The following GNAT3 variants were observed in gnomAD, a reference collection of about 807,000 sequenced individuals.
GNAT3 encodes G protein subunit alpha transducin 3.
GNAT3 carries 31 observed loss-of-function variants against 37.7 expected under a neutral mutation model. The ratio of observed to expected loss-of-function variants is 0.82; its 90% CI spans 0.62 to 1.11. The LOEUF is 1.11. Ranked by LOEUF, GNAT3 falls within the 50% of genes most tolerant of loss-of-function variation. The probability of loss-of-function intolerance (pLI) is 0.00; values close to 1 mark genes in which losing one functional copy is unlikely to be tolerated. For synonymous variants in GNAT3, 138 were observed against 139.8 expected, an observed-to-expected ratio of 0.99 and a Z score of 0.09; for missense variants, 437 against 412.5, an observed-to-expected ratio of 1.06 and a Z score of -0.51.
intron 5 of GNAT3, among the ~76,000 whole-genome samples, chr7:80,470,262 C>T (rs756690971): frequency 1.3e-5 from 2 of 152,010 alleles, no homozygotes; most frequent in Non-Finnish European, 2.9e-5. Flanking sequence ...TGCTCTGTCA[C>T]CCAGGCTAGA....
chr7:80,471,894 A>T (rs1790227295), intron 5 of GNAT3, among the ~76,000 whole-genome samples: 2 of 152,048 alleles, frequency 1.3e-5, no homozygotes, highest in Non-Finnish European at 2.9e-5. Context: ...CACTCAGCTC[A>T]TGGTGTTACT....
chr7:80,461,905 T>G (rs1000609687), intron 7 of GNAT3, among the ~76,000 whole-genome samples: 1 of 152,188 alleles, frequency 6.6e-6, no homozygotes, highest in African/African-American at 2.4e-5. Flanking sequence ...TGTCATTTGA[T>G]AAAGTCTATA....
At chr7:80,503,072 T>A (rs562349989) in intron 1 of GNAT3, among the ~76,000 whole-genome samples, 1 of 152,248 alleles carries the variant, frequency 6.6e-6, no homozygotes, top group East Asian at 1.9e-4. Context: ...AAAAGCCAAG[T>A]ACTATCATTT....
At chr7:80,482,561 T>C (rs1268034832) in intron 3 of GNAT3, among the ~76,000 whole-genome samples, 2 of 151,988 alleles carry the variant, frequency 1.3e-5, no homozygotes, top group African/African-American at 4.8e-5. Flanking sequence ...TCATGCAGGC[T>C]GGAGTGCAGT....
At chr7:80,484,962 A>G (rs907987239) in intron 3 of GNAT3, among the ~76,000 whole-genome samples, 4 of 151,966 alleles carry the variant, frequency 2.6e-5, no homozygotes, top group Admixed American at 1.3e-4. Context: ...CTCTCTCACT[A>G]TATTCCCAAT....
chr7:80,511,842 G>T lies in GNAT3; in HGVS notation c.85C>A (p.Arg29=), dbSNP rs751707136. The change falls in exon 1 of 8, where the codon CGA becomes AGA. Residue 29 remains arginine, a synonymous_variant. Transcript: ENST00000398291. The stretch of plus-strand genomic sequence containing the variant: ...AGCAGCTTTACGGTTCTTGCATCTC[G>T]CTCAGCATCCTCCTGAAGCTTTTTC... ...LEKKLQEDAE[R]DARTVKLLLL... is the part of the protein sequence containing the mutation. The T allele has an allele frequency of 1.9e-6, 3 of 1,611,254 alleles. No individual in the cohort carries two copies. Among genetic ancestry groups the T allele is most frequent in the Non-Finnish European group, 2.5e-6 (3 of 1,178,312 alleles).
At chr7:80,506,656 CT>C (rs1303663927) in intron 1 of GNAT3, among the ~76,000 whole-genome samples, 1 of 152,264 alleles carries the variant, frequency 6.6e-6, no homozygotes, top group Admixed American at 6.5e-5. Flanking sequence ...TTCCACTTCA[CT>C]GAGAAGCAGT....
intron 3 of GNAT3, among the ~76,000 whole-genome samples, chr7:80,481,785 T>G (rs73369027): frequency 0.1 from 15,882 of 152,126 alleles, 1,439 homozygotes; most frequent in African/African-American, 0.24. Flanking sequence ...ATCTACATAA[T>G]AAGAACCTTG....
intron 5 of GNAT3, among the ~76,000 whole-genome samples, chr7:80,473,948 C>T (rs545365947): frequency 3.9e-5 from 6 of 152,082 alleles, no homozygotes; most frequent in Non-Finnish European, 5.9e-5. Context: ...TATTTAAATA[C>T]ATTTTCTTTT....
At chr7:80,472,877 T>C (rs17154004) in intron 5 of GNAT3, among the ~76,000 whole-genome samples, 11,236 of 152,206 alleles carry the variant, frequency 0.074, 1,261 homozygotes, top group African/African-American at 0.25. Flanking sequence ...TTAGGTAACC[T>C]GGAATTGGAA....
Position 80,479,002 on chromosome 7 carries a change from G to C in GNAT3, c.304-4C>G, listed in dbSNP as rs1790348443. The C allele has an allele frequency of 3.2e-6, 5 of 1,584,708 alleles. No individual in the cohort carries two copies. The highest frequency in any genetic ancestry group is 1.4e-5 in the African/African-American group (1 of 73,746). On this transcript the variant is annotated splice_polypyrimidine_tract_variant and splice_region_variant and intron_variant, in intron 3 of 7. Transcript: ENST00000398291. ...CATAAAGTTGTCGTTGGTCCTCCTA[G>C]AACAATATTTTGGTGAGAATAAGTA... is the stretch of plus-strand genomic sequence containing the variant.
chr7:80,484,490 T>A (rs1243479565), intron 3 of GNAT3, among the ~76,000 whole-genome samples: 1 of 152,082 alleles, frequency 6.6e-6, no homozygotes, highest in Non-Finnish European at 1.5e-5. Context: ...GAGTTTACTT[T>A]GTAGGGTTCT....
At position 80,491,413 on chromosome 7, in the gene GNAT3, A is replaced by G. The variant is rs73369046; in HGVS notation, c.162-2737T>C. Among the ~76,000 whole-genome samples the G allele has an allele frequency of 8.9e-3, 1,348 of 152,298 alleles. 21 individuals are homozygous for G. The highest frequency in any genetic ancestry group is 0.031 in the African/African-American group (1,288 of 41,568). On this transcript the variant is annotated intron_variant, in intron 2 of 7. Transcript: ENST00000398291. ...CAAAGTGTGTGAGTTTGAAAGAAATATTCTGAAACAGTCAGCTTGAAGATT... is the reference window on the plus strand; with the variant it reads ...CAAAGTGTGTGAGTTTGAAAGAAATGTTCTGAAACAGTCAGCTTGAAGATT...
chr7:80,484,276 G>A (rs2116182049), intron 3 of GNAT3, among the ~76,000 whole-genome samples: 1 of 152,144 alleles, frequency 6.6e-6, no homozygotes, highest in South Asian at 2.1e-4. Context: ...AAGAAAGGAA[G>A]ACTATATAGT....
At position 80,462,484 on chromosome 7, in the gene GNAT3, T is replaced by C. The variant is rs773681971; in HGVS notation, c.720+18A>G. ...AAGATTACTTTTAACCCTGGCTTTG[T>C]TTTTCCTTTAGACTTACCACTTCTT... On this transcript the variant is annotated intron_variant, in intron 6 of 7. Transcript: ENST00000398291. 3.3e-5 allele frequency: 53 copies of C among 1,608,912 alleles called. No individual in the cohort carries two copies. In the Middle Eastern group the frequency reaches 6.6e-4, roughly 20 times the overall value.
At chr7:80,501,606 C>A (rs1481333710) in intron 1 of GNAT3, among the ~76,000 whole-genome samples, 1 of 151,810 alleles carries the variant, frequency 6.6e-6, no homozygotes, top group Non-Finnish European at 1.5e-5. Context: ...TTCACACTTT[C>A]TTTTGTCGTT....
rs1464742952 is a variant in GNAT3 at position 80,478,856 on chromosome 7, T to C, written c.446A>G (p.Asn149Ser). 8.1e-6 allele frequency: 13 copies of C among 1,613,284 alleles called. No homozygotes were observed. Among genetic ancestry groups the C allele is most frequent in the Non-Finnish European group, 1.1e-5 (13 of 1,179,426 alleles). The change falls in exon 4 of 8, where the codon AAT becomes AGT. Residue 149 changes from asparagine (N) to serine (S), a missense_variant. By Grantham distance (46) the Asn-to-Ser change is conservative. Transcript: ENST00000398291. ...ATTCACTTACTAAGCTGCTGAGTCA[T>C]TGAGCTGATATTCAGATGCCCTTTC... is the stretch of plus-strand genomic sequence containing the variant. ...CFERASEYQL[N>S]DSAAYYLNDL... is the part of the protein sequence containing the mutation.
chr7:80,475,327 T>C (rs1205785700), intron 4 of GNAT3, among the ~76,000 whole-genome samples: 1 of 151,600 alleles, frequency 6.6e-6, no homozygotes, highest in Non-Finnish European at 1.5e-5. Flanking sequence ...GCTCTCAGCT[T>C]CCTAACTCTT....
rs140188557 is a variant in GNAT3, at chr7:80,508,166, A to G, written c.118+3643T>C. Among the ~76,000 whole-genome samples the G allele has an allele frequency of 6.4e-3, 975 of 152,050 alleles. 1 individual carries two copies. The highest frequency in any genetic ancestry group is 0.02 in the Middle Eastern group (6 of 294). On this transcript the variant is annotated intron_variant, in intron 1 of 7. Coordinates refer to ENST00000398291, the MANE Select transcript of GNAT3 (RefSeq NM_001102386.3). Reference sequence around the variant, plus strand: ...TAGAATAAATGTTAATTATATATATAAATGTGGCAGAGGGTGTTTTGAATA... The same window carrying G: ...TAGAATAAATGTTAATTATATATATGAATGTGGCAGAGGGTGTTTTGAATA...
Sources: gnomAD v4.1 joint callset for allele counts (sites outside exome capture counted in the v4.1 genomes callset) on GRCh38, gnomAD v4.1.1 for gene constraint, MANE v1.5 for transcripts, NCBI Gene and HGNC (gene_info 2026-07-23, HGNC 2026-07-21) for gene names.